Variants in SOS1 observed in about 807,000 individuals in gnomAD.
The protein encoded by SOS1 is son of sevenless homolog 1.
In SOS1, 25 loss-of-function variants were observed where a neutral mutation model predicts 157.6. The observed-to-expected ratio is 0.16, with a 90% CI of 0.12 to 0.22. SOS1 has a LOEUF of 0.22. Among genes scored for constraint, SOS1 ranks in the 10% least tolerant of loss-of-function variants. The pLI is 1.00. For missense variants in SOS1, 1,237 were observed against 1,599.1 expected, an observed-to-expected ratio of 0.77 and a Z score of 3.86; for synonymous variants, 528 against 534.0, an observed-to-expected ratio of 0.99 and a Z score of 0.16.
intron 1 of SOS1, among the ~76,000 whole-genome samples, chr2:39,119,851 C>A (rs1261277573): frequency 1.3e-5 from 2 of 152,166 alleles, no homozygotes. Flanking sequence ...TGAATACTGA[C>A]GGCGAGCAGA....
chr2:39,105,426 C>G (rs995735218), intron 1 of SOS1, among the ~76,000 whole-genome samples: 4 of 152,068 alleles, frequency 2.6e-5, no homozygotes, highest in Non-Finnish European at 5.9e-5. Flanking sequence ...TGCCAAACTA[C>G]TTTCTACATA....
intron 6 of SOS1, among the ~76,000 whole-genome samples, chr2:39,038,426 T>C (rs907396767): frequency 2.0e-5 from 3 of 151,996 alleles, no homozygotes; most frequent in African/African-American, 7.2e-5. Context: ...ATTTGCTTCT[T>C]ATGGATGAGC....
rs187789577 is a variant in SOS1, at chr2:38,997,549, C to T, written c.2792-124G>A. ...TTGCCAAAACAAAAGAACCAAGGCT[C>T]AGATTTCCATGATATGAAAACAGCA... is the stretch of plus-strand genomic sequence containing the variant. On this transcript the variant is annotated intron_variant, in intron 17 of 22. Coordinates refer to ENST00000402219, the MANE Select transcript of SOS1 (RefSeq NM_005633.4). The T allele has an allele frequency of 3.1e-3, 1,871 of 604,104 alleles. 2 individuals carry two copies. Among genetic ancestry groups the T allele is most frequent in the Middle Eastern group, 7.2e-3 (17 of 2,368 alleles). 37.4% of individuals were successfully genotyped at this position (604,104 alleles called of 1,614,324 possible).
chr2:39,063,582 A>G (rs1671486943), intron 2 of SOS1, among the ~76,000 whole-genome samples: 1 of 152,244 alleles, frequency 6.6e-6, no homozygotes, highest in Admixed American at 6.5e-5. Flanking sequence ...CATTTGGACT[A>G]TGATACTTTA....
chr2:39,031,206 C>T (rs2124554256), intron 8 of SOS1, among the ~76,000 whole-genome samples: 1 of 152,276 alleles, frequency 6.6e-6, no homozygotes, highest in South Asian at 2.1e-4. Flanking sequence ...TAGACTTCAA[C>T]CTGAATTTTA....
At chr2:39,104,605 C>G (rs778066434) in intron 1 of SOS1, among the ~76,000 whole-genome samples, 8 of 152,138 alleles carry the variant, frequency 5.3e-5, no homozygotes, top group Non-Finnish European at 1.0e-4. Flanking sequence ...AATTCCATTC[C>G]AAGGAACATA....
intron 9 of SOS1, 163 bp downstream of exon 9, chr2:39,023,847 A>T: frequency 1.6e-6 from 1 of 610,038 alleles, no homozygotes; most frequent in Non-Finnish European, 2.9e-6. Context: ...GGTTTTTCAA[A>T]CAATAACAAT....
At chr2:39,110,026 T>TTGTGTG (rs150125819) in intron 1 of SOS1, among the ~76,000 whole-genome samples, 1 of 134,154 alleles carries the variant, frequency 7.5e-6, no homozygotes, top group Non-Finnish European at 1.6e-5. Context: ...ACAGATACAG[T>TTGTGTG]TGTGTGTGTG....
chr2:38,989,451 C>G, intron 20 of SOS1, 137 bp from the exon 21 acceptor site: 1 of 619,094 alleles, frequency 1.6e-6, no homozygotes, highest in Non-Finnish European at 3.0e-6. Context: ...ATAGTAAAAC[C>G]TCATTACTAC....
intron 6 of SOS1, among the ~76,000 whole-genome samples, chr2:39,036,501 C>A (rs1466912055): frequency 6.6e-6 from 1 of 152,124 alleles, no homozygotes; most frequent in Non-Finnish European, 1.5e-5. Flanking sequence ...CAGGCGCACA[C>A]CACCGCGCCT....
intron 8 of SOS1, among the ~76,000 whole-genome samples, chr2:39,031,322 T>C (rs1422009638): frequency 6.6e-6 from 1 of 152,198 alleles, no homozygotes; most frequent in Non-Finnish European, 1.5e-5. Flanking sequence ...TGGTTTTTTC[T>C]AAGGTTTGTT....
intron 6 of SOS1, among the ~76,000 whole-genome samples, chr2:39,038,993 A>T (rs4670905): frequency 0.93 from 141,709 of 152,054 alleles, 66,149 homozygotes; most frequent in African/African-American, 0.97. Context: ...GTTGCTTATT[A>T]TTTAAACTGC....
intron 1 of SOS1, among the ~76,000 whole-genome samples, chr2:39,077,782 C>T (rs1672066667): frequency 6.6e-6 from 1 of 152,132 alleles, no homozygotes; most frequent in South Asian, 2.1e-4. Flanking sequence ...TTCCCTATCA[C>T]ATACCATATA....
chr2:39,061,418 C>T (rs991967287), intron 2 of SOS1, among the ~76,000 whole-genome samples: 2 of 152,032 alleles, frequency 1.3e-5, no homozygotes, highest in Non-Finnish European at 2.9e-5. Context: ...AACAGGGTCT[C>T]GATCTATCAC....
Position 39,023,212 on chromosome 2 carries a change from G to A in SOS1, c.1216C>T (p.Arg406Trp). 6.2e-7 allele frequency: 1 copy of A among 1,612,050 alleles called. No homozygotes were observed. The change falls in exon 10 of 23, where the codon CGG becomes TGG. Residue 406 changes from arginine (R) to tryptophan (W), a missense_variant. Transcript: ENST00000402219. Reference protein sequence around the residue: ...AKRRLSESACRFYSQQMKGKQ... With the variant: ...AKRRLSESACWFYSQQMKGKQ... ...CCCTTCATTTGCTGACTATAAAACC[G>A]ACATGCAGATTCACTGGAATAAAGA...
chr2:39,086,568 A>T (rs1429963371), intron 1 of SOS1, among the ~76,000 whole-genome samples: 1 of 152,228 alleles, frequency 6.6e-6, no homozygotes, highest in African/African-American at 2.4e-5. Flanking sequence ...TATCAAAATA[A>T]GAAGTGGTTA....
chr2:39,010,902 T>C (rs999446639), intron 14 of SOS1, among the ~76,000 whole-genome samples, 199 bp from the exon 15 acceptor site: 1 of 150,830 alleles, frequency 6.6e-6, no homozygotes, highest in Non-Finnish European at 1.5e-5. Context: ...TAAACTTTTT[T>C]TTTTTTTTTT....
chr2:39,064,741 C>CTT lies in SOS1; in HGVS notation c.213+2886_213+2887insAA, dbSNP rs1558496540. Among the ~76,000 whole-genome samples, 60 of 49,060 alleles carry CTT rather than the reference C, an allele frequency of 1.2e-3. 1 individual carries two copies. The highest frequency in any genetic ancestry group is 4.6e-3 in the African/African-American group (52 of 11,338). The allele number at this position is 49,060 out of a possible 152,430, so 32.2% of individuals were successfully genotyped here. A position where few individuals can be genotyped will look rare whatever the true frequency, so the allele number is the denominator to read the frequency against. On this transcript the variant is annotated intron_variant, in intron 2 of 22. Transcript: ENST00000402219. ...TTCAGATTGATCTATTTTTAAAATA[C>CTT]ATTTTTTTTTTTTTTTTTTTTTTTG... is the stretch of plus-strand genomic sequence containing the variant.
At chr2:39,078,134 G>A (rs955644779) in intron 1 of SOS1, among the ~76,000 whole-genome samples, 2 of 152,116 alleles carry the variant, frequency 1.3e-5, no homozygotes, top group Non-Finnish European at 2.9e-5. Flanking sequence ...CATGGAAGGG[G>A]AAACACAACT....
Sources: allele counts gnomAD v4.1 joint callset (sites outside exome capture counted in the v4.1 genomes callset), GRCh38; gene constraint gnomAD v4.1.1; transcripts MANE v1.5; gene names NCBI Gene and HGNC (gene_info 2026-07-23, HGNC 2026-07-21).